Variants in INTS4 observed in about 807,000 individuals in gnomAD.
INTS4 encodes the protein MSTP093.
A neutral mutation model predicts 119.5 loss-of-function variants in INTS4; 70 were observed. The observed-to-expected ratio is 0.59, with a 90% CI of 0.48 to 0.71. The LOEUF is 0.71. Among genes scored for constraint, INTS4 ranks in the 30% least tolerant of loss-of-function variants. The pLI is 0.00. For synonymous variants in INTS4, 316 were observed against 419.6 expected (o/e 0.75, Z 3.02); for missense variants, 867 against 1,173.2 (o/e 0.74, Z 3.81).
chr11:77,955,711 G>C (rs2136567662), intron 8 of INTS4, among the ~76,000 whole-genome samples: 1 of 152,172 alleles, frequency 6.6e-6, no homozygotes, highest in South Asian at 2.1e-4. Flanking sequence ...GGCCAGGATG[G>C]TCTCAATCTC....
intron 18 of INTS4, among the ~76,000 whole-genome samples, chr11:77,900,313 A>C (rs912193920): frequency 1.3e-5 from 2 of 152,144 alleles, no homozygotes; most frequent in South Asian, 2.1e-4. Flanking sequence ...GTTAGCCAGG[A>C]TGCTCTTGAT....
At chr11:77,893,137 A>C (rs1181548857) in intron 19 of INTS4, among the ~76,000 whole-genome samples, 1 of 152,222 alleles carries the variant, frequency 6.6e-6, no homozygotes, top group Non-Finnish European at 1.5e-5. Context: ...GCATACCAGA[A>C]GTCTGGTCAC....
intron 11 of INTS4, among the ~76,000 whole-genome samples, chr11:77,925,262 A>G (rs964204569): frequency 8.5e-5 from 13 of 152,242 alleles, no homozygotes; most frequent in African/African-American, 2.9e-4. Context: ...TAAGTTTGCC[A>G]TCTTATACAG....
chr11:77,979,796 G>A lies in INTS4; in HGVS notation c.365-694C>T, dbSNP rs138560172. ...AATTCGAGACCAGCCTGACCAACAT[G>A]GTGAAACACCATCTCTACTAAAAAC... On this transcript the variant is annotated intron_variant, in intron 3 of 22. Coordinates refer to ENST00000534064, the MANE Select transcript of INTS4 (RefSeq NM_033547.4). Among the ~76,000 whole-genome samples the A allele has an allele frequency of 2.1e-3, 315 of 151,610 alleles. 7 individuals carry two copies. The East Asian group carries it at 0.051, about 25-fold the overall frequency.
intron 7 of INTS4, among the ~76,000 whole-genome samples, chr11:77,957,179 C>T (rs1393508623): frequency 9.2e-5 from 14 of 152,114 alleles, no homozygotes; most frequent in Non-Finnish European, 1.5e-4. Flanking sequence ...GCAATCCACC[C>T]GCCTCAGCCT....
chr11:77,970,212 C>A (rs1459458620), intron 4 of INTS4, among the ~76,000 whole-genome samples: 2 of 151,920 alleles, frequency 1.3e-5, no homozygotes, highest in African/African-American at 4.8e-5. Flanking sequence ...GGCTGGCCAA[C>A]ATGGTGAAAC....
intron 8 of INTS4, among the ~76,000 whole-genome samples, chr11:77,944,566 C>T (rs544197101): frequency 6.6e-6 from 1 of 152,336 alleles, no homozygotes; most frequent in African/African-American, 2.4e-5. Flanking sequence ...CACTGATTAG[C>T]TATCCCTGGC....
intron 14 of INTS4, among the ~76,000 whole-genome samples, chr11:77,920,453 T>C (rs1378311126): frequency 6.6e-6 from 1 of 151,858 alleles, no homozygotes; most frequent in Non-Finnish European, 1.5e-5. Context: ...TTATGATCTA[T>C]TTTTAAATTT....
At chr11:77,932,242 AAAAAC>A (rs1344269626) in intron 10 of INTS4, among the ~76,000 whole-genome samples, 2 of 152,122 alleles carry the variant, frequency 1.3e-5, no homozygotes, top group Admixed American at 6.5e-5. Context: ...CAAATTTCCA[AAAAAC>A]AAAACAAAAC....
intron 7 of INTS4, among the ~76,000 whole-genome samples, chr11:77,957,289 G>A (rs1480831543): frequency 6.6e-6 from 1 of 151,462 alleles, no homozygotes; most frequent in African/African-American, 2.4e-5. Flanking sequence ...TCAGCCAGGC[G>A]TGTAATCCCA....
chr11:77,891,954 G>A lies in INTS4; in HGVS notation c.2289-114C>T, dbSNP rs1952289227. 4 of 1,545,118 alleles carry A rather than the reference G, an allele frequency of 2.6e-6. No homozygotes were observed. In the East Asian group the frequency reaches 6.8e-5, roughly 26 times the overall value. ...TAGGAAGAATGATGAAGTGAGAGGAGCTTGCAGTTTACGACCAAGATAGAC... is the reference window on the plus strand; with the variant it reads ...TAGGAAGAATGATGAAGTGAGAGGAACTTGCAGTTTACGACCAAGATAGAC... On this transcript the variant is annotated intron_variant, in intron 19 of 22. Transcript: ENST00000534064.
downstream of INTS4, chr11:77,876,916 G>T: frequency 1.4e-6 from 1 of 702,006 alleles, no homozygotes. Context: ...GATGGGCTCA[G>T]GCAGCAGCCA....
intron 4 of INTS4, among the ~76,000 whole-genome samples, chr11:77,974,180 C>T (rs961417003): frequency 6.7e-6 from 1 of 148,278 alleles, no homozygotes; most frequent in African/African-American, 2.5e-5. Flanking sequence ...TTTTGTCTTT[C>T]TAATAATTTG....
intron 1 of INTS4, among the ~76,000 whole-genome samples, chr11:77,992,923 C>T (rs1856757132): frequency 6.6e-6 from 1 of 152,204 alleles, no homozygotes; most frequent in Admixed American, 6.5e-5. Flanking sequence ...CATTTAATCA[C>T]TTTATGTTAA....
chr11:77,955,588 C>A (rs1954299496), intron 8 of INTS4, among the ~76,000 whole-genome samples: 1 of 151,884 alleles, frequency 6.6e-6, no homozygotes, highest in South Asian at 2.1e-4. Flanking sequence ...TTCTGCCTCC[C>A]AGGTTCAAGC....
At chr11:77,951,058 A>C (rs1462050420) in intron 8 of INTS4, among the ~76,000 whole-genome samples, 1 of 151,938 alleles carries the variant, frequency 6.6e-6, no homozygotes, top group African/African-American at 2.4e-5. Context: ...TGAACTCATC[A>C]TTTTTTATGG....
chr11:77,949,601 C>G (rs1954137953), intron 8 of INTS4, among the ~76,000 whole-genome samples: 1 of 150,422 alleles, frequency 6.6e-6, no homozygotes, highest in South Asian at 2.1e-4. Context: ...ATGTGACCAA[C>G]AAACATATGA....
At chr11:77,917,922 G>A (rs55962013) in intron 15 of INTS4, 116,133 of 604,038 alleles carry the variant, frequency 0.19, 11,690 homozygotes, top group Non-Finnish European at 0.2. Flanking sequence ...GCTCCTTGAA[G>A]TGAGAGATGG....
intron 4 of INTS4, among the ~76,000 whole-genome samples, chr11:77,971,851 T>A (rs7941732): frequency 1.6e-4 from 25 of 151,954 alleles, no homozygotes; most frequent in Non-Finnish European, 2.9e-4. Context: ...CCAAAGACAC[T>A]AAAATATACT....
Sources: gnomAD v4.1 joint callset for allele counts (sites outside exome capture counted in the v4.1 genomes callset) on GRCh38, gnomAD v4.1.1 for gene constraint, MANE v1.5 for transcripts, NCBI Gene and HGNC (gene_info 2026-07-23, HGNC 2026-07-21) for gene names.